Variants in APC observed in about 807,000 individuals in gnomAD.
The protein encoded by APC is APC regulator of Wnt signaling pathway.
A neutral mutation model predicts 247.0 loss-of-function variants in APC; 72 were observed. The ratio of observed to expected loss-of-function variants is 0.29; its 90% CI spans 0.24 to 0.35. APC has a LOEUF of 0.35. Among genes scored for constraint, APC ranks in the 10% least tolerant of loss-of-function variants. The pLI is 1.00. For synonymous variants in APC, 1,254 were observed against 1,162.5 expected, an observed-to-expected ratio of 1.08 and a Z score of -1.60; for missense variants, 3,400 against 3,360.7, an observed-to-expected ratio of 1.01 and a Z score of -0.29.
intron 4 of APC, among the ~76,000 whole-genome samples, chr5:112,770,263 A>T (rs1756890667): frequency 6.6e-6 from 1 of 152,162 alleles, no homozygotes; most frequent in Non-Finnish European, 1.5e-5. Flanking sequence ...AGTTCTTTGC[A>T]TCTAAATCTA....
Position 112,775,754 on chromosome 5 carries a change from T to A in APC, c.531+17T>A, listed in dbSNP as rs2149616560. The A allele has an allele frequency of 1.5e-6, 2 of 1,361,526 alleles. No homozygotes were observed. The highest frequency in any genetic ancestry group is 2.1e-6 in the Non-Finnish European group (2 of 969,134). The allele number at this position is 1,361,526 out of a possible 1,614,324, so 84.3% of individuals were successfully genotyped here. A position where few individuals can be genotyped will look rare whatever the true frequency, so the allele number is the denominator to read the frequency against. The stretch of plus-strand genomic sequence containing the variant: ...ACTGAAAATGTAAGTAACTTGGCAG[T>A]ACAACTTATTTGAAACTTTAATAAC... On this transcript the variant is annotated intron_variant, in intron 5 of 15. Transcript: ENST00000257430.
chr5:112,791,278 C>T (rs75730411), intron 6 of APC, among the ~76,000 whole-genome samples: 3,943 of 152,230 alleles, frequency 0.026, 104 homozygotes, highest in Non-Finnish European at 0.041. Context: ...AAGCTCTATC[C>T]TCTTTATGAT....
Position 112,837,704 on chromosome 5 carries a change from G to T in APC, c.2110G>T (p.Val704Phe). 1 of 1,614,164 alleles carries T rather than the reference G, an allele frequency of 6.2e-7. No homozygotes were observed. The highest frequency in any genetic ancestry group is 8.5e-7 in the Non-Finnish European group (1 of 1,180,032). ...GGAAGCATTATGGGACATGGGGGCA[G>T]TTAGCATGCTCAAGAACCTCATTCA... ...DQEALWDMGA[V>F]SMLKNLIHSK... is the part of the protein sequence containing the mutation. The change falls in exon 16 of 16, where the codon GTT becomes TTT. Residue 704 changes from valine (V) to phenylalanine (F), a missense_variant. Coordinates refer to ENST00000257430, the MANE Select transcript of APC (RefSeq NM_000038.6).
chr5:112,804,374 G>A (rs1761145691), intron 8 of APC, among the ~76,000 whole-genome samples: 1 of 152,078 alleles, frequency 6.6e-6, no homozygotes, highest in Non-Finnish European at 1.5e-5. Flanking sequence ...AAATATTATT[G>A]ACTTAGGTAA....
chr5:112,815,284 T>C (rs1762378633), intron 8 of APC, among the ~76,000 whole-genome samples: 1 of 152,254 alleles, frequency 6.6e-6, no homozygotes, highest in Admixed American at 6.5e-5. Flanking sequence ...AATGCTCATA[T>C]GCAAGAAACT....
intron 1 of APC, among the ~76,000 whole-genome samples, chr5:112,715,880 G>C (rs991652302): frequency 2.0e-5 from 3 of 152,002 alleles, no homozygotes; most frequent in Admixed American, 2.0e-4. Context: ...TTTCCACTAA[G>C]AATTCTTTTA....
intron 1 of APC, among the ~76,000 whole-genome samples, chr5:112,731,584 G>A (rs999238011): frequency 5.9e-5 from 9 of 152,144 alleles, no homozygotes; most frequent in African/African-American, 2.2e-4. Context: ...TTAAATTTCC[G>A]ACACAGGCTT....
rs1169982962 is a variant in APC, at chr5:112,840,498, G to C, written c.4904G>C (p.Gly1635Ala). The C allele has an allele frequency of 6.2e-7, 1 of 1,614,110 alleles. No homozygotes were observed. Among genetic ancestry groups the C allele is most frequent in the Non-Finnish European group, 8.5e-7 (1 of 1,180,006 alleles). ...CAAAAGCATGTTAGTTTTACACCGGGGGATGATATGCCACGGGTGTATTGT... is the reference window on the plus strand; with the variant it reads ...CAAAAGCATGTTAGTTTTACACCGGCGGATGATATGCCACGGGTGTATTGT... ...QPQKHVSFTP[G>A]DDMPRVYCVE... Residue 1635 changes from glycine (G) to alanine (A), a missense_variant, in exon 16 of 16, where the codon GGG (glycine) becomes GCG (alanine). Physicochemically the swap from Gly to Ala is moderately conservative, Grantham distance 60. Around this residue, in one of 9 missense-constraint regions of APC, gnomAD observed 1,788 missense variants for 1,649.5 expected, o/e 1.08. Transcript: ENST00000257430. This position sits in a 1 kb window ranked among gnomAD's most constrained non-coding sequence, Gnocchi z 4.1.
rs773727399 is a variant in APC at position 112,839,647 on chromosome 5, T to C, written c.4053T>C (p.Ala1351=). 6.8e-6 allele frequency: 11 copies of C among 1,614,098 alleles called. No homozygotes were observed. The highest frequency in any genetic ancestry group is 6.7e-5 in the East Asian group (3 of 44,872). ...SLSSESARHK[A]VEFSSGAKSP... ...CTTCAGAATCAGCCAGGCACAAAGCTGTTGAATTTTCTTCAGGAGCGAAAT... is the reference window on the plus strand; with the variant it reads ...CTTCAGAATCAGCCAGGCACAAAGCCGTTGAATTTTCTTCAGGAGCGAAAT... The change falls in exon 16 of 16, where the codon GCT becomes GCC. Residue 1351 remains alanine, a synonymous_variant. Transcript: ENST00000257430. This position sits in a 1 kb window ranked among gnomAD's most constrained non-coding sequence, Gnocchi z 5.0.
At chr5:112,743,838 G>T (rs896705430) in intron 1 of APC, among the ~76,000 whole-genome samples, 1 of 152,072 alleles carries the variant, frequency 6.6e-6, no homozygotes, top group African/African-American at 2.4e-5. Context: ...TGAAGACTCT[G>T]TCCTCAAATA....
At chr5:112,815,748 C>A (rs1252819387) in intron 9 of APC, among the ~76,000 whole-genome samples, 155 bp downstream of exon 9, 3 of 152,150 alleles carry the variant, frequency 2.0e-5, no homozygotes, top group African/African-American at 4.8e-5. Context: ...CCAGCCTGGG[C>A]AACGTGGCAA....
At chr5:112,718,289 A>T (rs1751293868) in intron 1 of APC, among the ~76,000 whole-genome samples, 1 of 152,152 alleles carries the variant, frequency 6.6e-6, no homozygotes, top group Admixed American at 6.5e-5. Flanking sequence ...AGATGAAGTT[A>T]ATCTTTCTCT....
chr5:112,784,849 T>A (rs1379326842), intron 6 of APC, among the ~76,000 whole-genome samples: 3 of 152,170 alleles, frequency 2.0e-5, no homozygotes, highest in Non-Finnish European at 2.9e-5. Context: ...AAATAGTGAC[T>A]GAGTGAAATA....
intron 4 of APC, among the ~76,000 whole-genome samples, chr5:112,771,646 G>A (rs1757056168): frequency 6.6e-6 from 1 of 151,930 alleles, no homozygotes. Context: ...TTTCCTCTTT[G>A]GAAGCTTTTG....
At chr5:112,827,340 A>T (rs1357784792) in intron 12 of APC, 93 bp downstream of exon 12, 2 of 1,369,236 alleles carry the variant, frequency 1.5e-6, no homozygotes, top group South Asian at 2.4e-5. Flanking sequence ...CTTTTTTTTC[A>T]CTCTCCTCAT....
At chr5:112,833,391 C>T (rs1481427192) in intron 14 of APC, among the ~76,000 whole-genome samples, 4 of 152,038 alleles carry the variant, frequency 2.6e-5, no homozygotes, top group Admixed American at 2.6e-4. Flanking sequence ...CCATGTTGAT[C>T]AGGATGGTCT....
At chr5:112,797,137 A>T (rs186622061) in intron 7 of APC, among the ~76,000 whole-genome samples, 1 of 152,256 alleles carries the variant, frequency 6.6e-6, no homozygotes, top group African/African-American at 2.4e-5. Context: ...TGCTACTATG[A>T]TCCAACCTCT....
chr5:112,779,857 A>G (rs1758130640), intron 5 of APC, among the ~76,000 whole-genome samples: 1 of 152,240 alleles, frequency 6.6e-6, no homozygotes. Flanking sequence ...AAGGGTGAGA[A>G]CTAATCTAAC....
intron 9 of APC, among the ~76,000 whole-genome samples, chr5:112,818,040 C>T (rs957128661): frequency 9.2e-5 from 14 of 152,184 alleles, no homozygotes; most frequent in African/African-American, 9.7e-5. Flanking sequence ...TGTATAGTAA[C>T]GTCCCTGGTC....
Sources: allele counts gnomAD v4.1 joint callset (sites outside exome capture counted in the v4.1 genomes callset), GRCh38; gene constraint gnomAD v4.1.1; regional missense constraint gnomAD v4.1.1; non-coding constraint Gnocchi (gnomAD v3.1); transcripts MANE v1.5; gene names NCBI Gene and HGNC (gene_info 2026-07-23, HGNC 2026-07-21).